Variants in MLLT3 observed in about 807,000 individuals in gnomAD.
The protein encoded by MLLT3 is MLLT3 super elongation complex subunit, also known as protein AF-9.
A neutral mutation model predicts 53.2 loss-of-function variants in MLLT3; 4 were observed. That is an observed-to-expected ratio of 0.08 (90% CI 0.04 to 0.17). MLLT3 has a LOEUF of 0.17. Ranked by LOEUF, MLLT3 falls within the 10% of genes least tolerant of loss-of-function variation. The pLI, the probability that MLLT3 is intolerant of heterozygous loss-of-function variation, is 1.00. For missense variants in MLLT3, 569 were observed against 684.0 expected (o/e 0.83, Z 1.87); for synonymous variants, 283 against 230.6 (o/e 1.23, Z -2.06).
At position 20,360,785 on chromosome 9, in the gene MLLT3, T is replaced by C. The variant is rs771493754; in HGVS notation, c.1388A>G (p.His463Arg). Residue 463 changes from histidine (H) to arginine (R), a missense_variant, in exon 8 of 11, where the codon CAT becomes CGT. Physicochemically the swap from His to Arg is conservative, Grantham distance 29 (BLOSUM62 0). Transcript: ENST00000380338. Reference protein sequence around the residue: ...SESSSASSPLHHEPPPPLLKT... With the variant: ...SESSSASSPLRHEPPPPLLKT... ...TAGTAAGGGTGGTGGAGGTTCGTGA[T>C]GTAGGGGTGAAGAAGCAGAACTGCT... 9.9e-6 allele frequency: 16 copies of C among 1,614,146 alleles called. No individual in the cohort carries two copies. Among genetic ancestry groups the C allele is most frequent in the Non-Finnish European group, 1.2e-5 (14 of 1,179,952 alleles).
rs776540631 is a variant in MLLT3, at chr9:20,399,476, CG to C, written c.1125+14244del. ...TCAGGAGAAAAACACTTTAATATGA[CG>C]GAAAAACAATCATCATCCAAGTATA... On this transcript the variant is annotated intron_variant, in intron 5 of 10. Transcript: ENST00000380338. Among the ~76,000 whole-genome samples the C allele has an allele frequency of 1.5e-3, 221 of 152,014 alleles. 2 individuals are homozygous for C. Among genetic ancestry groups the C allele is most frequent in the Non-Finnish European group, 2.8e-3 (188 of 67,980 alleles).
intron 2 of MLLT3, among the ~76,000 whole-genome samples, chr9:20,498,497 G>A (rs1016314146): frequency 6.6e-6 from 1 of 152,022 alleles, no homozygotes; most frequent in African/African-American, 2.4e-5. Context: ...TTATTATTCA[G>A]CTGTAGGTTA....
At chr9:20,592,517 A>C (rs901926749) in intron 2 of MLLT3, among the ~76,000 whole-genome samples, 1 of 152,146 alleles carries the variant, frequency 6.6e-6, no homozygotes, top group Non-Finnish European at 1.5e-5. Flanking sequence ...GTCATATTAG[A>C]TTAGGTCCTA....
At chr9:20,460,292 A>C (rs949511966) in intron 2 of MLLT3, among the ~76,000 whole-genome samples, 24 of 152,172 alleles carry the variant, frequency 1.6e-4, no homozygotes, top group African/African-American at 5.3e-4. Context: ...CTTAAGCTCT[A>C]TGTCATAAAA....
At chr9:20,584,156 G>A (rs1255940744) in intron 2 of MLLT3, among the ~76,000 whole-genome samples, 1 of 152,140 alleles carries the variant, frequency 6.6e-6, no homozygotes, top group Non-Finnish European at 1.5e-5. Context: ...AGGGCAAAAC[G>A]CCACCAGTCT....
At chr9:20,441,592 C>T (rs1202361436) in intron 4 of MLLT3, among the ~76,000 whole-genome samples, 2 of 152,068 alleles carry the variant, frequency 1.3e-5, no homozygotes, top group Admixed American at 6.6e-5. Flanking sequence ...AATGAAGCAG[C>T]CTGCTTCGTC....
At chr9:20,622,121 G>T in intron 1 of MLLT3, 124 bp downstream of exon 1, 1 of 1,163,364 alleles carries the variant, frequency 8.6e-7, no homozygotes, top group Non-Finnish European at 1.2e-6. Context: ...GCAGCTCCCT[G>T]CAAGCCGTAC....
At chr9:20,451,052 G>T in intron 3 of MLLT3, among the ~76,000 whole-genome samples, 1 of 152,132 alleles carries the variant, frequency 6.6e-6, no homozygotes, top group Non-Finnish European at 1.5e-5. Context: ...GCTTAGAATA[G>T]CAAGAAACTA....
chr9:20,606,124 T>C (rs1327753814), intron 2 of MLLT3, among the ~76,000 whole-genome samples: 1 of 152,122 alleles, frequency 6.6e-6, no homozygotes, highest in Non-Finnish European at 1.5e-5. Context: ...CTGCGTATTC[T>C]CTATGGCTGG....
At chr9:20,568,457 C>A (rs1380888405) in intron 2 of MLLT3, among the ~76,000 whole-genome samples, 1 of 152,120 alleles carries the variant, frequency 6.6e-6, no homozygotes, top group African/African-American at 2.4e-5. Flanking sequence ...AATCATATTA[C>A]TTTATGTTCA....
intron 4 of MLLT3, among the ~76,000 whole-genome samples, chr9:20,439,810 G>A (rs1823498915): frequency 6.6e-6 from 1 of 152,054 alleles, no homozygotes; most frequent in Admixed American, 6.6e-5. Context: ...TACTGACAGA[G>A]GTTATAGTCA....
At chr9:20,599,024 G>A (rs888552137) in intron 2 of MLLT3, among the ~76,000 whole-genome samples, 4 of 152,172 alleles carry the variant, frequency 2.6e-5, no homozygotes, top group African/African-American at 9.7e-5. Flanking sequence ...TCTTTGAGTA[G>A]GCCAGGCGCG....
At chr9:20,459,823 T>A (rs1824065786) in intron 2 of MLLT3, among the ~76,000 whole-genome samples, 1 of 152,228 alleles carries the variant, frequency 6.6e-6, no homozygotes, top group Non-Finnish European at 1.5e-5. Context: ...TAATTATTTT[T>A]AAATGCAACA....
rs2118777117 is a variant in MLLT3, at chr9:20,414,260, G to T, written c.586C>A (p.Pro196Thr). The change falls in exon 5 of 11, where the codon CCT (proline) becomes ACT (threonine). Residue 196 changes from proline to threonine, a missense_variant. Physicochemically the swap from Pro to Thr is conservative, Grantham distance 38. Coordinates refer to ENST00000380338, the MANE Select transcript of MLLT3 (RefSeq NM_004529.4). ...SSSSSTSFSK[P>T]HKLMKEHKEK... Reference sequence around the variant, plus strand: ...TTGTGCTCCTTCATTAATTTGTGAGGCTTTGAAAAACTGGTACTACTGCTG... The same window carrying T: ...TTGTGCTCCTTCATTAATTTGTGAGTCTTTGAAAAACTGGTACTACTGCTG... 6.2e-7 allele frequency: 1 copy of T among 1,611,884 alleles called. No homozygotes were observed. Among genetic ancestry groups the T allele is most frequent in the East Asian group, 2.2e-5 (1 of 44,822 alleles).
At chr9:20,473,187 G>A (rs746325133) in intron 2 of MLLT3, among the ~76,000 whole-genome samples, 7 of 152,036 alleles carry the variant, frequency 4.6e-5, no homozygotes, top group Non-Finnish European at 7.4e-5. Context: ...AAGCAAAGAT[G>A]TTTTCTCTTT....
chr9:20,542,411 C>T (rs377472893), intron 2 of MLLT3, among the ~76,000 whole-genome samples: 25 of 152,002 alleles, frequency 1.6e-4, no homozygotes, highest in Admixed American at 2.0e-4. Context: ...CCACCGCGCC[C>T]GGCTAATTTT....
chr9:20,424,250 T>C (rs1823086433), intron 4 of MLLT3, among the ~76,000 whole-genome samples: 1 of 152,198 alleles, frequency 6.6e-6, no homozygotes, highest in Non-Finnish European at 1.5e-5. Flanking sequence ...GGTTAAACTT[T>C]GAGTCTTTTG....
intron 2 of MLLT3, among the ~76,000 whole-genome samples, chr9:20,481,526 G>C (rs1824661905): frequency 6.6e-6 from 1 of 152,116 alleles, no homozygotes; most frequent in Admixed American, 6.6e-5. Context: ...GCAATGAGGG[G>C]ATGGGGGTTC....
intron 2 of MLLT3, among the ~76,000 whole-genome samples, chr9:20,613,381 T>C (rs1289350451): frequency 6.6e-6 from 1 of 152,340 alleles, no homozygotes; most frequent in South Asian, 2.1e-4. Context: ...GTAAGCAACA[T>C]ATATGTGCAA....
Sources: allele counts gnomAD v4.1 joint callset (sites outside exome capture counted in the v4.1 genomes callset), GRCh38; gene constraint gnomAD v4.1.1; transcripts MANE v1.5; gene names NCBI Gene and HGNC (gene_info 2026-07-23, HGNC 2026-07-21).